Variants in EPHA3 observed in about 807,000 individuals in gnomAD.
The protein encoded by EPHA3 is ephrin type-A receptor 3.
A neutral mutation model predicts 107.1 loss-of-function variants in EPHA3; 42 were observed. The ratio of observed to expected loss-of-function variants is 0.39; its 90% CI spans 0.31 to 0.51. The LOEUF (loss-of-function observed/expected upper bound fraction) is 0.51, where lower values mean the gene tolerates loss of function less well. Ranked by LOEUF, EPHA3 falls within the 20% of genes least tolerant of loss-of-function variation. The pLI, the probability that EPHA3 is intolerant of heterozygous loss-of-function variation, is 0.78. For synonymous variants in EPHA3, 461 were observed against 424.8 expected, an observed-to-expected ratio of 1.09 and a Z score of -1.05; for missense variants, 1,183 against 1,211.2, an observed-to-expected ratio of 0.98 and a Z score of 0.35.
chr3:89,200,202 C>A (rs75886926), intron 2 of EPHA3, among the ~76,000 whole-genome samples: 4,408 of 152,258 alleles, frequency 0.029, 209 homozygotes, highest in African/African-American at 0.098. Context: ...ATGGAGTCTA[C>A]ATTGGACATT....
chr3:89,262,761 C>T (rs915078531), intron 3 of EPHA3, among the ~76,000 whole-genome samples: 1 of 152,046 alleles, frequency 6.6e-6, no homozygotes, highest in Non-Finnish European at 1.5e-5. Flanking sequence ...CTGGCTGTTT[C>T]GGTGCCTGCA....
At chr3:89,152,447 T>C (rs1275268218) in intron 2 of EPHA3, among the ~76,000 whole-genome samples, 3 of 152,066 alleles carry the variant, frequency 2.0e-5, no homozygotes, top group Non-Finnish European at 2.9e-5. Context: ...CCATTCAAGA[T>C]GTCTAGGTGA....
Position 89,318,438 on chromosome 3 carries a change from C to T in EPHA3, c.815-22478C>T, listed in dbSNP as rs144227529. 9.4e-3 allele frequency among the ~76,000 whole-genome samples: 1,432 copies of T among 151,812 alleles called. 11 individuals are homozygous for T. Among genetic ancestry groups the T allele is most frequent in the Non-Finnish European group, 0.013 (910 of 67,826 alleles). On this transcript the variant is annotated intron_variant, in intron 3 of 16. Coordinates refer to ENST00000336596, the MANE Select transcript of EPHA3 (RefSeq NM_005233.6). The stretch of plus-strand genomic sequence containing the variant: ...ATGATAGTTTGTATTTCTTGGTTGT[C>T]CTGGCTACTTTCAAATTCTTTTCAT...
intron 3 of EPHA3, among the ~76,000 whole-genome samples, chr3:89,219,495 A>C (rs1704298842): frequency 6.6e-6 from 1 of 151,656 alleles, no homozygotes; most frequent in Non-Finnish European, 1.5e-5. Context: ...CTGCTATACC[A>C]AATGTCAACT....
intron 3 of EPHA3, among the ~76,000 whole-genome samples, chr3:89,259,269 A>G (rs1211431034): frequency 2.0e-5 from 3 of 152,110 alleles, no homozygotes; most frequent in Non-Finnish European, 4.4e-5. Context: ...GGGACAGGCC[A>G]TCCTTGGGGC....
At chr3:89,295,702 T>C (rs577073597) in intron 3 of EPHA3, among the ~76,000 whole-genome samples, 4 of 152,268 alleles carry the variant, frequency 2.6e-5, no homozygotes, top group African/African-American at 9.6e-5. Flanking sequence ...GAGATTCTCA[T>C]GCCTCAGCCT....
At chr3:89,147,193 G>A (rs1329939403) in intron 2 of EPHA3, among the ~76,000 whole-genome samples, 3 of 151,712 alleles carry the variant, frequency 2.0e-5, no homozygotes, top group South Asian at 4.1e-4. Flanking sequence ...CGGGGGTGGG[G>A]GTAAGGGAAG....
At chr3:89,181,110 A>C (rs971672907) in intron 2 of EPHA3, among the ~76,000 whole-genome samples, 38 of 151,994 alleles carry the variant, frequency 2.5e-4, no homozygotes, top group African/African-American at 9.2e-4. Flanking sequence ...TGACAGACTT[A>C]AGTAATCTCC....
chr3:89,219,688 G>GTGTTTTTTTTTTTTTTTTTTTTTTTTT lies in EPHA3; in HGVS notation c.814+9169_814+9170insGTTTTTTTTTTTTTTTTTTTTTTTTTT. Among the ~76,000 whole-genome samples the GTGTTTTTTTTTTTTTTTTTTTTTTTTT allele has an allele frequency of 1.0e-3, 35 of 34,442 alleles. 13 individuals are homozygous for GTGTTTTTTTTTTTTTTTTTTTTTTTTT. Among genetic ancestry groups the GTGTTTTTTTTTTTTTTTTTTTTTTTTT allele is most frequent in the South Asian group, 2.3e-3 (2 of 854 alleles). The allele number at this position is 34,442 out of a possible 152,430, so 22.6% of individuals were successfully genotyped here. On this transcript the variant is annotated intron_variant, in intron 3 of 16. Transcript: ENST00000336596. ...TTACCTCCAAGAGGCATTTGGCAAT[G>GTGTTTTTTTTTTTTTTTTTTTTTTTTT]TTTTTTTTTTTTTTGTTTTTTGTTT...
At chr3:89,377,154 C>T (rs1430725947) in intron 5 of EPHA3, among the ~76,000 whole-genome samples, 2 of 152,008 alleles carry the variant, frequency 1.3e-5, no homozygotes, top group Non-Finnish European at 2.9e-5. Flanking sequence ...TTTCATGTCC[C>T]ATTGTGTTAC....
intron 1 of EPHA3, among the ~76,000 whole-genome samples, chr3:89,117,864 A>C (rs7626554): frequency 0.57 from 86,020 of 151,770 alleles, 24,720 homozygotes; most frequent in Admixed American, 0.65. Context: ...ATACAAACTG[A>C]GATTTCTTTC....
intron 13 of EPHA3, among the ~76,000 whole-genome samples, chr3:89,448,078 C>G (rs796200131): frequency 3.2e-4 from 48 of 152,188 alleles, no homozygotes; most frequent in African/African-American, 1.1e-3. Context: ...TCACTTAATT[C>G]ATAAGTGCCC....
intron 2 of EPHA3, among the ~76,000 whole-genome samples, chr3:89,127,794 G>A (rs1170686246): frequency 6.6e-6 from 1 of 151,994 alleles, no homozygotes; most frequent in Non-Finnish European, 1.5e-5. Flanking sequence ...ATATTACTTA[G>A]AAAAAATCTG....
At chr3:89,290,529 T>C (rs1012530150) in intron 3 of EPHA3, among the ~76,000 whole-genome samples, 3 of 152,202 alleles carry the variant, frequency 2.0e-5, no homozygotes, top group African/African-American at 7.2e-5. Context: ...CAAGTGTTAA[T>C]TAAAAATTCC....
chr3:89,174,328 C>T (rs754977318), intron 2 of EPHA3, among the ~76,000 whole-genome samples: 8 of 152,002 alleles, frequency 5.3e-5, no homozygotes, highest in Non-Finnish European at 7.4e-5. Flanking sequence ...TTATCATCCA[C>T]GAGTAATCTG....
At chr3:89,340,811 G>T in intron 3 of EPHA3, 105 bp from the exon 4 acceptor site, 10 of 1,240,028 alleles carry the variant, frequency 8.1e-6, no homozygotes, top group Non-Finnish European at 1.1e-5. Flanking sequence ...GAAAAAACTT[G>T]ATTTTTATTT....
intron 11 of EPHA3, among the ~76,000 whole-genome samples, chr3:89,419,875 T>C (rs143128955): frequency 6.2e-4 from 94 of 151,498 alleles, no homozygotes; most frequent in African/African-American, 2.2e-3. Context: ...GCTGTACAGA[T>C]TGGAATCACA....
intron 2 of EPHA3, among the ~76,000 whole-genome samples, chr3:89,190,920 C>A (rs1205707569): frequency 6.6e-6 from 1 of 152,152 alleles, no homozygotes; most frequent in African/African-American, 2.4e-5. Flanking sequence ...TTAATTACCT[C>A]TTTACAGATC....
intron 2 of EPHA3, among the ~76,000 whole-genome samples, chr3:89,141,858 G>A (rs1704438483): frequency 6.6e-6 from 1 of 151,172 alleles, no homozygotes; most frequent in South Asian, 2.1e-4. Flanking sequence ...TTCAATATAT[G>A]AAATTGTTTC....
Sources: allele counts gnomAD v4.1 joint callset (sites outside exome capture counted in the v4.1 genomes callset), GRCh38; gene constraint gnomAD v4.1.1; transcripts MANE v1.5; gene names NCBI Gene and HGNC (gene_info 2026-07-23, HGNC 2026-07-21).